HSDL2: variants seen among roughly 807,000 people sequenced by gnomAD.
HSDL2 encodes hydroxysteroid dehydrogenase like 2.
Under a neutral mutation model 46.3 loss-of-function variants are expected in HSDL2, and 27 were observed. That is an observed-to-expected ratio of 0.58 (90% CI 0.43 to 0.80). HSDL2 has a LOEUF of 0.80. HSDL2 is among the 30% of genes least tolerant of loss of function. HSDL2 has a pLI of 0.00. For synonymous variants in HSDL2, 153 were observed against 163.6 expected (o/e 0.94, Z 0.50); for missense variants, 451 against 502.7 (o/e 0.90, Z 0.98).
intron 4 of HSDL2, 101 bp from the exon 5 acceptor site, chr9:112,416,740 T>A: frequency 1.6e-6 from 1 of 610,728 alleles, no homozygotes; most frequent in East Asian, 2.9e-5. Context: ...AGTCATGCAC[T>A]CCAGCCTGGG....
At chr9:112,430,753 C>T (rs1832369784) in intron 6 of HSDL2, among the ~76,000 whole-genome samples, 1 of 151,996 alleles carries the variant, frequency 6.6e-6, no homozygotes, top group African/African-American at 2.4e-5. Flanking sequence ...ACAGTGACTC[C>T]AAGATTTCTG....
At chr9:112,436,066 C>T (rs62570030) in intron 6 of HSDL2, among the ~76,000 whole-genome samples, 20,003 of 151,040 alleles carry the variant, frequency 0.13, 1,775 homozygotes, top group East Asian at 0.2. Context: ...CTTGAGCCCA[C>T]GAGTTGGAGA....
In HSDL2 at chr9:112,470,670, T is replaced by C. The variant is rs1833553429; in HGVS notation, c.*126T>C. On this transcript the variant is annotated 3_prime_UTR_variant, in exon 11 of 11. Transcript: ENST00000398805. ...ATATGCACGTTTGTTCTGGAAAAGA[T>C]AGAATTTGTCTCTAAAAGACTTGAA... 2 of 558,726 alleles carry C rather than the reference T, an allele frequency of 3.6e-6. No individual in the cohort carries two copies. Among genetic ancestry groups the C allele is most frequent in the Non-Finnish European group, 6.2e-6 (2 of 321,376 alleles). 34.6% of individuals were successfully genotyped at this position (558,726 alleles called of 1,614,324 possible). A position where few individuals can be genotyped will look rare whatever the true frequency, so the allele number is the denominator to read the frequency against.
At position 112,399,223 on chromosome 9, in the gene HSDL2, C is replaced by T. The variant is rs142324509; in HGVS notation, c.18-4772C>T. On this transcript the variant is annotated intron_variant, in intron 1 of 10. Coordinates refer to ENST00000398805, the MANE Select transcript of HSDL2 (RefSeq NM_032303.5). The stretch of plus-strand genomic sequence containing the variant: ...GGCTGCCGGGGGTGACATCACATAT[C>T]GGTAGGACCGTGATGCCCACCTGAG... 5.1e-3 allele frequency among the ~76,000 whole-genome samples: 776 copies of T among 152,280 alleles called. 9 individuals are homozygous for T. Among genetic ancestry groups the T allele is most frequent in the African/African-American group, 0.018 (743 of 41,552 alleles).
At chr9:112,398,333 GGTTCCGGAGCCATCA>G (rs1831505797) in intron 1 of HSDL2, among the ~76,000 whole-genome samples, 1 of 151,988 alleles carries the variant, frequency 6.6e-6, no homozygotes, top group Admixed American at 6.6e-5. Context: ...ATTGTAGTTT[GGTTCCGGAGCCATCA>G]GATGGCTCCG....
At chr9:112,398,993 C>T (rs984142092) in intron 1 of HSDL2, among the ~76,000 whole-genome samples, 5 of 152,192 alleles carry the variant, frequency 3.3e-5, no homozygotes, top group South Asian at 2.1e-4. Flanking sequence ...GCCGAACAAG[C>T]GTTTCTGTGA....
intron 6 of HSDL2, among the ~76,000 whole-genome samples, chr9:112,437,789 G>A (rs767697744): frequency 1.9e-4 from 29 of 152,310 alleles, no homozygotes; most frequent in Non-Finnish European, 3.7e-4. Context: ...AGCTATTAGA[G>A]GTCTCTTCAG....
chr9:112,421,863 A>G (rs1292029935), intron 6 of HSDL2, among the ~76,000 whole-genome samples: 1 of 152,152 alleles, frequency 6.6e-6, no homozygotes, highest in Non-Finnish European at 1.5e-5. Flanking sequence ...AGGTGAGCCT[A>G]TGAAGGAATG....
At chr9:112,416,684 T>TGAGCCCAG (rs1423417463) in intron 4 of HSDL2, among the ~76,000 whole-genome samples, 157 bp from the exon 5 acceptor site, 1 of 151,164 alleles carries the variant, frequency 6.6e-6, no homozygotes, top group Non-Finnish European at 1.5e-5. Context: ...GAGGATTGCT[T>TGAGCCCAG]GAGCCCAGGA....
intron 6 of HSDL2, among the ~76,000 whole-genome samples, chr9:112,437,077 T>A (rs1489219473): frequency 1.3e-5 from 2 of 149,358 alleles, no homozygotes; most frequent in Non-Finnish European, 3.0e-5. Flanking sequence ...CTCCTACCTC[T>A]GCCTCCCAAG....
intron 9 of HSDL2, among the ~76,000 whole-genome samples, chr9:112,456,484 T>C (rs1833028387): frequency 6.6e-6 from 1 of 152,174 alleles, no homozygotes; most frequent in Non-Finnish European, 1.5e-5. Flanking sequence ...CTTGCTTTCC[T>C]TCCCTGCCTG....
chr9:112,406,142 CAG>C (rs986372955), intron 3 of HSDL2, among the ~76,000 whole-genome samples: 2 of 141,034 alleles, frequency 1.4e-5, no homozygotes, highest in Non-Finnish European at 3.1e-5. Flanking sequence ...GCCTGGGTGA[CAG>C]AGCAAGACTC....
At chr9:112,470,161 T>C (rs1833531498) in intron 10 of HSDL2, among the ~76,000 whole-genome samples, 1 of 152,220 alleles carries the variant, frequency 6.6e-6, no homozygotes, top group Non-Finnish European at 1.5e-5. Context: ...GTGTATCCTT[T>C]AGTGTATAAA....
intron 9 of HSDL2, among the ~76,000 whole-genome samples, chr9:112,458,490 TA>T (rs1423884098): frequency 9.2e-5 from 14 of 151,646 alleles, no homozygotes; most frequent in Non-Finnish European, 2.1e-4. Flanking sequence ...CACACCTGGC[TA>T]ATTTTTTGTA....
At chr9:112,433,508 T>C (rs1214496194) in intron 6 of HSDL2, among the ~76,000 whole-genome samples, 1 of 152,020 alleles carries the variant, frequency 6.6e-6, no homozygotes, top group East Asian at 1.9e-4. Flanking sequence ...CTGGGGAAAA[T>C]AGGAGCAGTG....
At chr9:112,398,919 T>G (rs1831524191) in intron 1 of HSDL2, among the ~76,000 whole-genome samples, 1 of 152,154 alleles carries the variant, frequency 6.6e-6, no homozygotes, top group Non-Finnish European at 1.5e-5. Flanking sequence ...AGCATAATGC[T>G]TAGACTTCGT....
intron 8 of HSDL2, among the ~76,000 whole-genome samples, chr9:112,450,917 T>C (rs1832871343): frequency 6.6e-6 from 1 of 152,146 alleles, no homozygotes; most frequent in South Asian, 2.1e-4. Flanking sequence ...AAACAACTTT[T>C]TGAGGCCGGG....
chr9:112,380,305 C>A, intron 1 of HSDL2, 125 bp downstream of exon 1: 2 of 871,562 alleles, frequency 2.3e-6, no homozygotes, highest in South Asian at 1.7e-5. Context: ...TGCCTGGGCA[C>A]GCTCTGAGCT....
chr9:112,422,405 C>T (rs1045913080), intron 6 of HSDL2, among the ~76,000 whole-genome samples: 1 of 152,096 alleles, frequency 6.6e-6, no homozygotes, highest in Non-Finnish European at 1.5e-5. Context: ...AAAATCCTGA[C>T]ATAAGAGATT....
Sources: gnomAD v4.1 joint callset for allele counts (sites outside exome capture counted in the v4.1 genomes callset) on GRCh38, gnomAD v4.1.1 for gene constraint, MANE v1.5 for transcripts, NCBI Gene and HGNC (gene_info 2026-07-23, HGNC 2026-07-21) for gene names.